The following PSMB7 variants were observed in gnomAD, a reference collection of about 807,000 sequenced individuals.
PSMB7 encodes proteasome 20S subunit beta 7.
A neutral mutation model predicts 28.1 loss-of-function variants in PSMB7; 5 were observed. The observed-to-expected ratio is 0.18, with a 90% CI of 0.09 to 0.37. PSMB7 has a LOEUF of 0.37. PSMB7 is among the 10% of genes least tolerant of loss of function. The probability of loss-of-function intolerance (pLI) is 1.00; values close to 1 mark genes in which losing one functional copy is unlikely to be tolerated. For missense variants in PSMB7, 275 were observed against 346.2 expected, an observed-to-expected ratio of 0.79 and a Z score of 1.63; for synonymous variants, 122 against 123.7, an observed-to-expected ratio of 0.99 and a Z score of 0.09.
chr9:124,408,137 A>G (rs1588583111), intron 4 of PSMB7, among the ~76,000 whole-genome samples: 1 of 152,148 alleles, frequency 6.6e-6, no homozygotes, highest in East Asian at 1.9e-4. Context: ...TAAGTGAGCC[A>G]TGATCATGCC....
intron 4 of PSMB7, among the ~76,000 whole-genome samples, chr9:124,407,584 TC>T (rs1442453168): frequency 1.2e-4 from 19 of 152,334 alleles, no homozygotes; most frequent in African/African-American, 4.6e-4. Context: ...CTACTTGCCT[TC>T]TAAGCTAAAA....
chr9:124,412,508 A>G lies in PSMB7; in HGVS notation c.255-16T>C, dbSNP rs1295155914. ...ACCACAACAACTGAAAAATCCAATT[A>G]GAAACTTAGCTGAAATCCAATTACC... On this transcript the variant is annotated splice_polypyrimidine_tract_variant and intron_variant, in intron 3 of 7. Transcript: ENST00000259457. The G allele has an allele frequency of 5.6e-6, 9 of 1,612,602 alleles. No individual in the cohort carries two copies. The highest frequency in any genetic ancestry group is 2.2e-5 in the South Asian group (2 of 90,870).
intron 2 of PSMB7, among the ~76,000 whole-genome samples, chr9:124,414,389 A>C (rs1195118285): frequency 6.6e-6 from 1 of 152,216 alleles, no homozygotes; most frequent in East Asian, 1.9e-4. Context: ...TTGCACAGGT[A>C]ATCATTATCC....
At chr9:124,378,038 G>A (rs1830630828) in intron 6 of PSMB7, among the ~76,000 whole-genome samples, 1 of 152,226 alleles carries the variant, frequency 6.6e-6, no homozygotes, top group Admixed American at 6.5e-5. Flanking sequence ...TAAGCCTGCA[G>A]TCTTCATTTC....
At chr9:124,387,917 A>T (rs1830742902) in intron 5 of PSMB7, among the ~76,000 whole-genome samples, 1 of 152,198 alleles carries the variant, frequency 6.6e-6, no homozygotes, top group South Asian at 2.1e-4. Flanking sequence ...TGGTAAACTC[A>T]GGCCAGTATT....
intron 6 of PSMB7, among the ~76,000 whole-genome samples, chr9:124,357,967 G>A (rs140002643): frequency 3.9e-5 from 6 of 152,340 alleles, no homozygotes; most frequent in African/African-American, 1.4e-4. Flanking sequence ...AACGGCAGTG[G>A]TACTGGACCT....
At chr9:124,395,897 G>A (rs938578436) in intron 5 of PSMB7, among the ~76,000 whole-genome samples, 11 of 152,230 alleles carry the variant, frequency 7.2e-5, no homozygotes, top group Non-Finnish European at 1.2e-4. Flanking sequence ...GCTGGAATAG[G>A]GTCTCCTACA....
chr9:124,353,764 G>T, intron 7 of PSMB7, 55 bp from the exon 8 acceptor site: 1 of 1,299,246 alleles, frequency 7.7e-7, no homozygotes, highest in Admixed American at 1.7e-5. Flanking sequence ...GGTGCCAGAG[G>T]GCAGAAGACA....
chr9:124,369,685 G>A (rs899142005), intron 6 of PSMB7, among the ~76,000 whole-genome samples: 1 of 152,092 alleles, frequency 6.6e-6, no homozygotes, highest in Non-Finnish European at 1.5e-5. Flanking sequence ...AGGACTGCAC[G>A]ACTGAGAGGC....
chr9:124,406,008 C>T (rs1476996152), intron 4 of PSMB7, among the ~76,000 whole-genome samples: 2 of 152,088 alleles, frequency 1.3e-5, no homozygotes, highest in African/African-American at 4.8e-5. Context: ...TAAAAGACAA[C>T]ATTATCATTC....
intron 5 of PSMB7, among the ~76,000 whole-genome samples, chr9:124,397,342 G>C (rs984384321): frequency 6.6e-6 from 1 of 152,170 alleles, no homozygotes; most frequent in African/African-American, 2.4e-5. Flanking sequence ...ACTGTCCAGG[G>C]GCCACACCAC....
chr9:124,379,598 A>G (rs1467610398), intron 6 of PSMB7, among the ~76,000 whole-genome samples: 1 of 152,238 alleles, frequency 6.6e-6, no homozygotes, highest in African/African-American at 2.4e-5. Context: ...CATAGCTCAG[A>G]TAACTTAAAA....
At chr9:124,406,497 CA>C (rs772524538) in intron 4 of PSMB7, among the ~76,000 whole-genome samples, 3,121 of 50,532 alleles carry the variant, frequency 0.062, 72 homozygotes, top group African/African-American at 0.18. Flanking sequence ...AGAGTTGTCT[CA>C]AAAAAAAAAA....
intron 4 of PSMB7, among the ~76,000 whole-genome samples, chr9:124,411,861 C>G (rs1353453170): frequency 6.6e-6 from 1 of 151,254 alleles, no homozygotes; most frequent in Non-Finnish European, 1.5e-5. Context: ...GGTCCTGGAA[C>G]AGAGTAAGAG....
Position 124,353,535 on chromosome 9 carries a change from G to A in PSMB7, c.*63C>T. The A allele has an allele frequency of 8.4e-7, 1 of 1,192,466 alleles. No homozygotes were observed. Among genetic ancestry groups the A allele is most frequent in the Non-Finnish European group, 1.2e-6 (1 of 800,140 alleles). The allele number at this position is 1,192,466 out of a possible 1,614,324, so 73.9% of individuals were successfully genotyped here. On this transcript the variant is annotated 3_prime_UTR_variant, in exon 8 of 8. Coordinates refer to ENST00000259457, the MANE Select transcript of PSMB7 (RefSeq NM_002799.4). ...TTCGGCAAACACTAGCCACATGAGTGTCTTACTGGGCCTCAATGCTCACCA... is the reference window on the plus strand; with the variant it reads ...TTCGGCAAACACTAGCCACATGAGTATCTTACTGGGCCTCAATGCTCACCA...
At chr9:124,405,275 A>T in intron 5 of PSMB7, 42 bp downstream of exon 5, 1 of 1,339,830 alleles carries the variant, frequency 7.5e-7, no homozygotes, top group Non-Finnish European at 1.1e-6. Context: ...CCATCGTGGT[A>T]AGTAAGAGTA....
intron 6 of PSMB7, among the ~76,000 whole-genome samples, chr9:124,378,740 G>A (rs186680839): frequency 1.8e-3 from 272 of 152,088 alleles, no homozygotes; most frequent in African/African-American, 6.0e-3. Context: ...CTACATTATC[G>A]GATTCATTTA....
intron 4 of PSMB7, among the ~76,000 whole-genome samples, chr9:124,411,331 GA>G (rs1259174939): frequency 6.6e-6 from 1 of 151,890 alleles, no homozygotes; most frequent in Non-Finnish European, 1.5e-5. Context: ...TATTTAAAAA[GA>G]AAAAAAGGCC....
At chr9:124,390,571 T>C (rs1358334748) in intron 5 of PSMB7, among the ~76,000 whole-genome samples, 1 of 152,134 alleles carries the variant, frequency 6.6e-6, no homozygotes, top group Non-Finnish European at 1.5e-5. Flanking sequence ...TAGTATTTAG[T>C]GGGGGAAAAA....
Sources: gnomAD v4.1 joint callset for allele counts (sites outside exome capture counted in the v4.1 genomes callset) on GRCh38, gnomAD v4.1.1 for gene constraint, MANE v1.5 for transcripts, NCBI Gene and HGNC (gene_info 2026-07-23, HGNC 2026-07-21) for gene names.